The following SNX30 variants were observed in gnomAD, a reference collection of about 807,000 sequenced individuals.
The protein encoded by SNX30 is sorting nexin-30.
Under a neutral mutation model 46.4 loss-of-function variants are expected in SNX30, and 24 were observed. The ratio of observed to expected loss-of-function variants is 0.52; its 90% CI spans 0.37 to 0.73. The LOEUF is 0.73. Among genes scored for constraint, SNX30 ranks in the 30% least tolerant of loss-of-function variants. The pLI is 0.00. For synonymous variants in SNX30, 189 were observed against 211.5 expected (o/e 0.89, Z 0.92); for missense variants, 533 against 555.7 (o/e 0.96, Z 0.41).
chr9:112,877,468 G>A (rs10759604), downstream of SNX30: 136,573 of 152,150 alleles, frequency 0.9, 61,510 homozygotes, highest in East Asian at 1. Context: ...GTTGAACATG[G>A]TCTTGACCTC....
Position 112,838,582 on chromosome 9 carries a change from G to A in SNX30, c.899G>A (p.Gly300Asp). ...GGTGAGCTGGCTGAACCCCTGGAGG[G>A]TGTGTCAGCTTGCATTGGGAACTGC... ...LEGELAEPLE[G>D]VSACIGNCST... The change falls in exon 6 of 9, where the codon GGT (glycine) becomes GAT (aspartate). Residue 300 changes from glycine to aspartate, a missense_variant. Gly to Asp is a moderately conservative substitution (Grantham distance 94, BLOSUM62 -1). This residue lies in a region of SNX30 where 261 missense variants were observed against 270.9 expected (regional missense o/e 0.96). Transcript: ENST00000374232. 6.2e-7 allele frequency: 1 copy of A among 1,614,226 alleles called. No homozygotes were observed. Among genetic ancestry groups the A allele is most frequent in the Non-Finnish European group, 8.5e-7 (1 of 1,180,018 alleles).
In SNX30 at chr9:112,850,946, G is replaced by A. The variant is rs778616510; in HGVS notation, c.1101+1G>A. The A allele has an allele frequency of 2.5e-6, 4 of 1,613,732 alleles. No individual in the cohort carries two copies. The highest frequency in any genetic ancestry group is 2.5e-6 in the Non-Finnish European group (3 of 1,179,798). Reference sequence around the variant, plus strand: ...TCTGCGGAAGGAAGACCGCCCCAAGGTCAGGGAAGCCACCTGGGAAGGGCT... The same window carrying A: ...TCTGCGGAAGGAAGACCGCCCCAAGATCAGGGAAGCCACCTGGGAAGGGCT... On this transcript the variant is annotated splice_donor_variant, in intron 7 of 8. Coordinates refer to ENST00000374232, the MANE Select transcript of SNX30 (RefSeq NM_001012994.2). LOFTEE classifies it high-confidence loss of function.
chr9:112,815,620 CA>C (rs1242975362), intron 2 of SNX30, among the ~76,000 whole-genome samples: 2 of 152,158 alleles, frequency 1.3e-5, no homozygotes, highest in African/African-American at 4.8e-5. Context: ...CTCGGCCTCC[CA>C]AAGTGCTGGG....
At chr9:112,815,698 C>G (rs1840386579) in intron 2 of SNX30, among the ~76,000 whole-genome samples, 1 of 152,128 alleles carries the variant, frequency 6.6e-6, no homozygotes, top group African/African-American at 2.4e-5. Flanking sequence ...AAAAGTAGAG[C>G]CTTCCATCAG....
chr9:112,794,975 A>G (rs1179180662), intron 1 of SNX30, among the ~76,000 whole-genome samples: 1 of 152,188 alleles, frequency 6.6e-6, no homozygotes, highest in Non-Finnish European at 1.5e-5. Context: ...TTATTAATCA[A>G]CTATGTAGTT....
chr9:112,768,776 C>T (rs1186715656), intron 1 of SNX30, among the ~76,000 whole-genome samples: 2 of 151,210 alleles, frequency 1.3e-5, no homozygotes, highest in African/African-American at 4.9e-5. Flanking sequence ...CCTGCCTCAG[C>T]ATCCCAAGTA....
chr9:112,850,108 G>A (rs1390381577), intron 6 of SNX30, among the ~76,000 whole-genome samples: 1 of 152,196 alleles, frequency 6.6e-6, no homozygotes, highest in African/African-American at 2.4e-5. Flanking sequence ...GGCCAAAGAG[G>A]GAGTGTCTCC....
chr9:112,832,453 AGAGAGAGT>A (rs1380800264), intron 4 of SNX30, among the ~76,000 whole-genome samples: 341 of 121,272 alleles, frequency 2.8e-3, no homozygotes, highest in African/African-American at 6.2e-3. Flanking sequence ...AGAGAGAGAG[AGAGAGAGT>A]GTGTGTGTGT....
rs546990194 is a variant in SNX30, at chr9:112,804,895, C to T, written c.276C>T (p.Phe92=). The part of the protein sequence containing the change: ...DDIDGETRDL[F]VIVDDPKKHV... ...TTGATGGTGAGACTAGAGATCTCTTCGTTATAGTTGATGATCCCAAGAAGC... is the reference window on the plus strand; with the variant it reads ...TTGATGGTGAGACTAGAGATCTCTTTGTTATAGTTGATGATCCCAAGAAGC... Residue 92 remains phenylalanine (F), a synonymous_variant, in exon 2 of 9, where the codon TTC becomes TTT. Coordinates refer to ENST00000374232, the MANE Select transcript of SNX30 (RefSeq NM_001012994.2). 3.4e-5 allele frequency: 55 copies of T among 1,613,736 alleles called. No homozygotes were observed. Among genetic ancestry groups the T allele is most frequent in the Middle Eastern group, 3.3e-4 (2 of 6,062 alleles).
chr9:112,875,303 A>C (rs904386746), downstream of SNX30: 2 of 152,234 alleles, frequency 1.3e-5, no homozygotes, highest in Admixed American at 6.5e-5. Context: ...TATTTACTAC[A>C]TGAAAGATTT....
At chr9:112,867,622 ACCTCCTCAGAACTCCTCCCG>A (rs926124863) in intron 8 of SNX30, among the ~76,000 whole-genome samples, 15 of 130,874 alleles carry the variant, frequency 1.1e-4, no homozygotes, top group African/African-American at 2.4e-4. Flanking sequence ...AGCTCCTCCC[ACCTCCTCAGAACTCCTCCCG>A]CCTCCTCAGA....
At chr9:112,751,806 A>T (rs898120259) in intron 1 of SNX30, among the ~76,000 whole-genome samples, 14 of 152,122 alleles carry the variant, frequency 9.2e-5, no homozygotes, top group African/African-American at 3.4e-4. Context: ...TTTGTGGTTG[A>T]TGGAAAGAAA....
intron 1 of SNX30, among the ~76,000 whole-genome samples, chr9:112,767,837 C>T (rs12235123): frequency 0.061 from 9,327 of 152,086 alleles, 624 homozygotes; most frequent in African/African-American, 0.16. Context: ...TGAACTCACG[C>T]GATCCTCCCA....
chr9:112,793,712 T>C (rs1350804098), intron 1 of SNX30, among the ~76,000 whole-genome samples: 1 of 152,190 alleles, frequency 6.6e-6, no homozygotes, highest in African/African-American at 2.4e-5. Flanking sequence ...CTTTGAGACC[T>C]TTGGCATTTG....
intron 6 of SNX30, among the ~76,000 whole-genome samples, chr9:112,843,757 G>A (rs1840894845): frequency 6.6e-6 from 1 of 150,540 alleles, no homozygotes; most frequent in Non-Finnish European, 1.5e-5. Context: ...TGGGATTACA[G>A]GTGCGCACCA....
At chr9:112,773,950 G>A (rs1280990673) in intron 1 of SNX30, among the ~76,000 whole-genome samples, 2 of 152,158 alleles carry the variant, frequency 1.3e-5, no homozygotes, top group Non-Finnish European at 2.9e-5. Flanking sequence ...ACATGATGAT[G>A]CTGAAAAGAA....
intron 7 of SNX30, among the ~76,000 whole-genome samples, chr9:112,860,026 A>C (rs1217399280): frequency 6.6e-6 from 1 of 151,744 alleles, no homozygotes; most frequent in East Asian, 1.9e-4. Flanking sequence ...GCTCACTGCA[A>C]CCTCCACCTC....
At chr9:112,826,633 G>T (rs1249400396) in intron 3 of SNX30, among the ~76,000 whole-genome samples, 2 of 152,144 alleles carry the variant, frequency 1.3e-5, no homozygotes, top group African/African-American at 2.4e-5. Flanking sequence ...TTCCACAGGG[G>T]CTAAGGAATG....
At chr9:112,877,423 G>A (rs574181948), downstream of SNX30, 1 of 152,444 alleles carries the variant, frequency 6.6e-6, no homozygotes, top group South Asian at 2.1e-4. Flanking sequence ...GTAAGGAGTT[G>A]GGGAATGAGC....
Sources: gnomAD v4.1 joint callset for allele counts (sites outside exome capture counted in the v4.1 genomes callset) on GRCh38, gnomAD v4.1.1 for gene constraint, gnomAD v4.1.1 regional missense constraint, MANE v1.5 for transcripts, NCBI Gene and HGNC (gene_info 2026-07-23, HGNC 2026-07-21) for gene names.